Variants in TLN2 observed in about 807,000 individuals in gnomAD.
The protein encoded by TLN2 is talin 2, also known as talin-2.
In TLN2, 118 loss-of-function variants were observed where a neutral mutation model predicts 294.7. The observed-to-expected ratio is 0.40, with a 90% CI of 0.34 to 0.47. The LOEUF (loss-of-function observed/expected upper bound fraction) is 0.47, where lower values mean the gene tolerates loss of function less well. TLN2 is among the 20% of genes least tolerant of loss of function. The pLI, the probability that TLN2 is intolerant of heterozygous loss-of-function variation, is 0.84. For synonymous variants in TLN2, 1,431 were observed against 1,304.5 expected (o/e 1.10, Z -2.09); for missense variants, 3,083 against 3,282.2 (o/e 0.94, Z 1.48).
chr15:62,613,382 C>G (rs2048068014), intron 2 of TLN2, among the ~76,000 whole-genome samples: 1 of 152,132 alleles, frequency 6.6e-6, no homozygotes, highest in Non-Finnish European at 1.5e-5. Flanking sequence ...CAAACCTGTA[C>G]TTAGTATATG....
intron 1 of TLN2, among the ~76,000 whole-genome samples, chr15:62,491,347 T>TACAC (rs1345830691): frequency 7.8e-4 from 64 of 82,304 alleles, no homozygotes; most frequent in African/African-American, 2.0e-3. Context: ...AATATATATA[T>TACAC]ATATACACAC....
chr15:62,775,581 T>C (rs899238351), intron 42 of TLN2, among the ~76,000 whole-genome samples: 4 of 152,360 alleles, frequency 2.6e-5, no homozygotes, highest in African/African-American at 9.6e-5. Flanking sequence ...CCTATGGCTT[T>C]TCAATTCAGA....
At chr15:62,555,245 C>T (rs1292374033) in intron 1 of TLN2, among the ~76,000 whole-genome samples, 1 of 152,106 alleles carries the variant, frequency 6.6e-6, no homozygotes, top group Non-Finnish European at 1.5e-5. Flanking sequence ...TAATTTTATT[C>T]CTAAAAAATA....
intron 9 of TLN2, among the ~76,000 whole-genome samples, chr15:62,666,189 A>T (rs1346046053): frequency 6.6e-6 from 1 of 152,150 alleles, no homozygotes; most frequent in Non-Finnish European, 1.5e-5. Context: ...TGTGTGACCA[A>T]GATAGGTCTT....
At chr15:62,818,057 G>T (rs568685171) in intron 52 of TLN2, among the ~76,000 whole-genome samples, 1 of 151,966 alleles carries the variant, frequency 6.6e-6, no homozygotes, top group Non-Finnish European at 1.5e-5. Context: ...TGATCTACCC[G>T]CCCGAGCCTC....
intron 3 of TLN2, among the ~76,000 whole-genome samples, chr15:62,644,264 T>C (rs933265950): frequency 1.3e-5 from 2 of 151,354 alleles, no homozygotes; most frequent in African/African-American, 4.9e-5. Flanking sequence ...ACATGCGATC[T>C]CTCCCTTCTG....
intron 1 of TLN2, among the ~76,000 whole-genome samples, chr15:62,565,567 C>T (rs544840347): frequency 2.6e-5 from 4 of 152,166 alleles, no homozygotes; most frequent in Non-Finnish European, 5.9e-5. Context: ...CAATTCCTTA[C>T]GTAGCCCAGT....
intron 1 of TLN2, among the ~76,000 whole-genome samples, chr15:62,557,848 CTT>C (rs1191843169): frequency 6.6e-6 from 1 of 152,214 alleles, no homozygotes; most frequent in African/African-American, 2.4e-5. Flanking sequence ...GCTGGGAACA[CTT>C]TTATTAGGTA....
intron 22 of TLN2, among the ~76,000 whole-genome samples, chr15:62,715,830 C>T (rs559218307): frequency 9.2e-5 from 14 of 152,250 alleles, no homozygotes; most frequent in East Asian, 5.8e-4. Flanking sequence ...TGTTTTTGAA[C>T]GGCATTCCTG....
At chr15:62,808,206 A>G (rs539892514) in intron 51 of TLN2, among the ~76,000 whole-genome samples, 9 of 152,236 alleles carry the variant, frequency 5.9e-5, no homozygotes, top group South Asian at 4.2e-4. Flanking sequence ...TCTCATGCAT[A>G]TTTCTTTCTA....
At chr15:62,466,392 T>G (rs2037136602) in intron 1 of TLN2, among the ~76,000 whole-genome samples, 3 of 152,208 alleles carry the variant, frequency 2.0e-5, no homozygotes, top group South Asian at 4.1e-4. Context: ...GATTCTTTGT[T>G]GTGCGGGGCT....
chr15:62,470,857 C>T (rs187713263), intron 1 of TLN2, among the ~76,000 whole-genome samples: 6 of 152,308 alleles, frequency 3.9e-5, no homozygotes, highest in African/African-American at 9.6e-5. Flanking sequence ...AAAAGGCTAT[C>T]GAGGCAATTC....
intron 1 of TLN2, among the ~76,000 whole-genome samples, chr15:62,444,308 C>G (rs940249560): frequency 6.6e-6 from 1 of 152,346 alleles, no homozygotes; most frequent in East Asian, 1.9e-4. Flanking sequence ...TGACAAATCC[C>G]ATGTGGACCA....
At chr15:62,550,586 A>G (rs1164264016) in intron 1 of TLN2, among the ~76,000 whole-genome samples, 1 of 152,180 alleles carries the variant, frequency 6.6e-6, no homozygotes, top group African/African-American at 2.4e-5. Flanking sequence ...CTGAATCCAC[A>G]TGGGTGGTGC....
intron 1 of TLN2, among the ~76,000 whole-genome samples, chr15:62,585,914 C>T (rs1018107216): frequency 6.6e-6 from 1 of 152,118 alleles, no homozygotes; most frequent in Admixed American, 6.5e-5. Flanking sequence ...TGAGCTGGAG[C>T]GCAAGGGAGC....
chr15:62,425,732 T>C (rs1311518747), intron 1 of TLN2, among the ~76,000 whole-genome samples: 1 of 152,238 alleles, frequency 6.6e-6, no homozygotes, highest in Non-Finnish European at 1.5e-5. Context: ...GTGCAAGTGC[T>C]GGTACTCTAG....
chr15:62,410,960 A>G (rs570606876), intron 1 of TLN2, among the ~76,000 whole-genome samples: 1 of 152,202 alleles, frequency 6.6e-6, no homozygotes, highest in Non-Finnish European at 1.5e-5. Flanking sequence ...AAACCAGGGT[A>G]CATCCATGTG....
At chr15:62,580,417 T>TCCCTCCCTCCCTCCCA (rs2044847156) in intron 1 of TLN2, among the ~76,000 whole-genome samples, 1 of 108,100 alleles carries the variant, frequency 9.3e-6, no homozygotes, top group Non-Finnish European at 2.0e-5. Flanking sequence ...CCTCCCTCCC[T>TCCCTCCCTCCCTCCCA]CCCTCCCTTC....
chr15:62,766,786 G>A (rs2063036777), intron 41 of TLN2, among the ~76,000 whole-genome samples: 1 of 152,186 alleles, frequency 6.6e-6, no homozygotes, highest in South Asian at 2.1e-4. Context: ...TGGCTGGCCG[G>A]CCAGCCCCAT....
Sources: allele counts gnomAD v4.1 joint callset (sites outside exome capture counted in the v4.1 genomes callset), GRCh38; gene constraint gnomAD v4.1.1; transcripts MANE v1.5; gene names NCBI Gene and HGNC (gene_info 2026-07-23, HGNC 2026-07-21).